The following TMEM232 variants were observed in gnomAD, a reference collection of about 807,000 sequenced individuals.
The protein encoded by TMEM232 is transmembrane protein 232.
In TMEM232, 80 loss-of-function variants were observed where a neutral mutation model predicts 78.8. The ratio of observed to expected loss-of-function variants is 1.01; its 90% CI spans 0.85 to 1.22. TMEM232 has a LOEUF of 1.22. Ranked by LOEUF, TMEM232 falls within the 50% of genes most tolerant of loss-of-function variation. The pLI is 0.00. For missense variants in TMEM232, 881 were observed against 742.2 expected (o/e 1.19, Z -2.17); for synonymous variants, 297 against 254.3 (o/e 1.17, Z -1.60).
At chr5:110,540,424 T>C (rs313595) in intron 11 of TMEM232, among the ~76,000 whole-genome samples, 64,520 of 152,062 alleles carry the variant, frequency 0.42, 19,232 homozygotes, top group African/African-American at 0.85. Context: ...CCTAATACCA[T>C]GCCACACTCT....
intron 11 of TMEM232, among the ~76,000 whole-genome samples, chr5:110,546,007 T>C (rs550552220): frequency 1.2e-4 from 19 of 152,142 alleles, no homozygotes; most frequent in Non-Finnish European, 2.5e-4. Flanking sequence ...TTTTTTTATT[T>C]CTTTCCCAAA....
At chr5:110,735,509 C>T (rs756284086) in intron 1 of TMEM232, among the ~76,000 whole-genome samples, 1 of 152,044 alleles carries the variant, frequency 6.6e-6, no homozygotes, top group African/African-American at 2.4e-5. Context: ...CTAATAATAT[C>T]CTCCACCCAT....
At chr5:110,606,351 T>G in intron 8 of TMEM232, 64 bp from the exon 9 acceptor site, 1 of 1,414,540 alleles carries the variant, frequency 7.1e-7, no homozygotes, top group Non-Finnish European at 9.4e-7. Flanking sequence ...AATCAACTTT[T>G]AATGTGAAAA....
Position 110,667,147 on chromosome 5 carries a change from G to T in TMEM232, c.125+81C>A, listed in dbSNP as rs982268825. ...TTTAATCTTTGGTTAGAGAACTATGGGTGAATTTTTTTTTTCAGTTTTCTA... is the reference window on the plus strand; with the variant it reads ...TTTAATCTTTGGTTAGAGAACTATGTGTGAATTTTTTTTTTCAGTTTTCTA... On this transcript the variant is annotated intron_variant, in intron 2 of 13. Transcript: ENST00000455884. 3.3e-5 allele frequency: 38 copies of T among 1,153,660 alleles called. No individual in the cohort carries two copies. The Admixed American group carries it at 1.2e-3, about 36-fold the overall frequency. The allele number at this position is 1,153,660 out of a possible 1,614,324, so 71.5% of individuals were successfully genotyped here.
intron 12 of TMEM232, among the ~76,000 whole-genome samples, chr5:110,438,348 G>A (rs2112735618): frequency 6.6e-6 from 1 of 151,752 alleles, no homozygotes; most frequent in South Asian, 2.1e-4. Context: ...AAACCTACCT[G>A]TGGCTTTAAG....
At chr5:110,641,639 C>A (rs530989856) in intron 3 of TMEM232, among the ~76,000 whole-genome samples, 53 of 152,258 alleles carry the variant, frequency 3.5e-4, no homozygotes, top group African/African-American at 1.2e-3. Context: ...AACACCACTA[C>A]AACACCACAA....
chr5:110,525,361 C>G (rs1256255997), intron 12 of TMEM232, among the ~76,000 whole-genome samples: 1 of 151,742 alleles, frequency 6.6e-6, no homozygotes, highest in Non-Finnish European at 1.5e-5. Context: ...TAGTAGAGTG[C>G]AAAATTAATC....
At chr5:110,504,274 G>C (rs962635588) in intron 12 of TMEM232, among the ~76,000 whole-genome samples, 2 of 152,086 alleles carry the variant, frequency 1.3e-5, no homozygotes, top group African/African-American at 4.8e-5. Context: ...CATAAATATA[G>C]AGGACATATT....
At chr5:110,634,625 A>G (rs1785560010) in intron 5 of TMEM232, among the ~76,000 whole-genome samples, 1 of 152,074 alleles carries the variant, frequency 6.6e-6, no homozygotes, top group Non-Finnish European at 1.5e-5. Context: ...TTAAAATGGA[A>G]ATTAAAAAAA....
At chr5:110,706,004 G>A (rs940363322) in intron 1 of TMEM232, among the ~76,000 whole-genome samples, 1 of 151,954 alleles carries the variant, frequency 6.6e-6, no homozygotes, top group East Asian at 1.9e-4. Flanking sequence ...GATAATATTT[G>A]ATTTAAATTA....
chr5:110,507,870 T>C (rs563868579), intron 12 of TMEM232, among the ~76,000 whole-genome samples: 2 of 152,322 alleles, frequency 1.3e-5, no homozygotes, highest in Admixed American at 1.3e-4. Flanking sequence ...TGGCATGCAA[T>C]GCCATTTCTA....
At chr5:110,445,799 C>T (rs562647015) in intron 12 of TMEM232, among the ~76,000 whole-genome samples, 4 of 152,078 alleles carry the variant, frequency 2.6e-5, no homozygotes, top group Non-Finnish European at 4.4e-5. Context: ...ACTTTTTTTG[C>T]CATTTGAGCT....
intron 2 of TMEM232, among the ~76,000 whole-genome samples, chr5:110,654,103 T>C (rs140170061): frequency 2.4e-3 from 359 of 152,224 alleles, no homozygotes; most frequent in African/African-American, 8.4e-3. Flanking sequence ...GGGGTGCAAA[T>C]TCCTTCTCTG....
chr5:110,514,569 AG>A (rs749629692), intron 12 of TMEM232, among the ~76,000 whole-genome samples: 3 of 152,238 alleles, frequency 2.0e-5, no homozygotes, highest in East Asian at 1.9e-4. Flanking sequence ...CAGAAGCCTA[AG>A]GCTCAGAGAA....
intron 1 of TMEM232, among the ~76,000 whole-genome samples, chr5:110,686,865 TG>T (rs1793478292): frequency 6.6e-6 from 1 of 152,168 alleles, no homozygotes; most frequent in Non-Finnish European, 1.5e-5. Flanking sequence ...ACCAAGGCTC[TG>T]TCTAAATCTT....
At chr5:110,608,562 T>C (rs527689563) in intron 8 of TMEM232, among the ~76,000 whole-genome samples, 8 of 152,158 alleles carry the variant, frequency 5.3e-5, no homozygotes, top group African/African-American at 1.9e-4. Flanking sequence ...GTCTGGAAAA[T>C]TGTAGCTAAC....
chr5:110,589,359 C>T lies in TMEM232; in HGVS notation c.1276+15750G>A, dbSNP rs541240354. Among the ~76,000 whole-genome samples the T allele has an allele frequency of 2.1e-3, 316 of 152,136 alleles. 5 individuals are homozygous for T. Among genetic ancestry groups the T allele is most frequent in the Middle Eastern group, 3.4e-3 (1 of 294 alleles). On this transcript the variant is annotated intron_variant, in intron 10 of 13. Transcript: ENST00000455884. ...GTTCTAGAAAACGCCCAGGAACTTA[C>T]GTTAAAAATATGGGCCACACATGAT... is the stretch of plus-strand genomic sequence containing the variant.
In TMEM232 at chr5:110,667,239, AC is replaced by A. The variant is rs1186538617; in HGVS notation, c.113del (p.Gly38ValfsTer16). On this transcript the variant is annotated frameshift_variant, in exon 2 of 14. Coordinates refer to ENST00000455884, the MANE Select transcript of TMEM232 (RefSeq NM_001039763.4). LOFTEE classifies it high-confidence loss of function. ...LNFQHLSGER[G>X]HKSRPTFSIT... ...ATTTTCTAGCTTACCTTGATTTATG[AC>A]CCCTTTCTCCACTTAAATGTTGAAA... The A allele has an allele frequency of 2.6e-6, 4 of 1,543,670 alleles. No homozygotes were observed. The highest frequency in any genetic ancestry group is 3.5e-6 in the Non-Finnish European group (4 of 1,142,614).
intron 11 of TMEM232, among the ~76,000 whole-genome samples, chr5:110,533,118 C>A (rs888485493): frequency 1.3e-5 from 2 of 152,172 alleles, no homozygotes; most frequent in African/African-American, 4.8e-5. Context: ...TTCCCCTGCA[C>A]CCCTCGTCCC....
Sources: gnomAD v4.1 joint callset for allele counts (sites outside exome capture counted in the v4.1 genomes callset) on GRCh38, gnomAD v4.1.1 for gene constraint, MANE v1.5 for transcripts, NCBI Gene and HGNC (gene_info 2026-07-23, HGNC 2026-07-21) for gene names.